Variants in IQCM observed in about 807,000 individuals in gnomAD.
The protein encoded by IQCM is IQ motif containing M.
Under a neutral mutation model 57.6 loss-of-function variants are expected in IQCM, and 45 were observed. That is an observed-to-expected ratio of 0.78 (90% CI 0.62 to 1.00). The LOEUF is 1.00. IQCM is among the 50% of genes least tolerant of loss of function. The pLI is 0.00. For synonymous variants in IQCM, 148 were observed against 158.9 expected (o/e 0.93, Z 0.51); for missense variants, 468 against 511.6 (o/e 0.91, Z 0.82).
intron 7 of IQCM, among the ~76,000 whole-genome samples, chr4:149,680,403 G>A (rs1335942459): frequency 6.6e-6 from 1 of 150,718 alleles, no homozygotes; most frequent in Non-Finnish European, 1.5e-5. Flanking sequence ...TGTATAATCA[G>A]TTTTTAAAAA....
intron 12 of IQCM, among the ~76,000 whole-genome samples, chr4:149,446,056 A>G (rs1286560549): frequency 1.3e-5 from 2 of 151,818 alleles, no homozygotes; most frequent in Non-Finnish European, 2.9e-5. Context: ...ATAAATCACC[A>G]AGGACTAAGA....
At chr4:149,390,889 T>C (rs996428817) in intron 13 of IQCM, among the ~76,000 whole-genome samples, 1 of 151,880 alleles carries the variant, frequency 6.6e-6, no homozygotes, top group Non-Finnish European at 1.5e-5. Context: ...TTGTTTTTTT[T>C]TTCTTTATAT....
chr4:149,392,039 T>G (rs992025387), intron 13 of IQCM, among the ~76,000 whole-genome samples: 7 of 151,944 alleles, frequency 4.6e-5, no homozygotes, highest in Non-Finnish European at 1.0e-4. Flanking sequence ...ATCTTCTCCC[T>G]AGCTGTCTAC....
At position 149,759,141 on chromosome 4, in the gene IQCM, C is replaced by A. The variant is rs183603950; in HGVS notation, c.-48-16402G>T. Reference sequence around the variant, plus strand: ...ATGGAAGAAACTTAAATGCACACTACTGGGTGAAAGAAGCTAATCTGAAAA... The same window carrying A: ...ATGGAAGAAACTTAAATGCACACTAATGGGTGAAAGAAGCTAATCTGAAAA... On this transcript the variant is annotated intron_variant, in intron 2 of 13. Coordinates refer to ENST00000636793, the MANE Select transcript of IQCM (RefSeq NM_001363507.2). 9.0e-4 allele frequency among the ~76,000 whole-genome samples: 137 copies of A among 152,208 alleles called. No individual in the cohort carries two copies. The Middle Eastern group carries it at 0.01, about 11-fold the overall frequency.
At chr4:149,496,437 A>G (rs914014600) in intron 12 of IQCM, among the ~76,000 whole-genome samples, 4 of 152,178 alleles carry the variant, frequency 2.6e-5, no homozygotes, top group African/African-American at 9.6e-5. Context: ...TATGTGGGTG[A>G]GTCCAATAAA....
At position 149,686,988 on chromosome 4, in the gene IQCM, TA is replaced by T. The variant is rs371815714; in HGVS notation, c.386-521del. On this transcript the variant is annotated intron_variant, in intron 5 of 13. Transcript: ENST00000636793. ...TTTAAAAAATCTACTTCTTCAAGTC[TA>T]AAGAGAAATTTACATAAGTATTTTT... Among the ~76,000 whole-genome samples the T allele has an allele frequency of 8.6e-4, 130 of 151,758 alleles. No individual in the cohort carries two copies. The Middle Eastern group carries it at 0.01, about 12-fold the overall frequency.
chr4:149,791,581 C>A (rs1406501720), intron 2 of IQCM, among the ~76,000 whole-genome samples: 2 of 152,172 alleles, frequency 1.3e-5, no homozygotes, highest in Non-Finnish European at 2.9e-5. Flanking sequence ...CTGCCTCCCC[C>A]TCCACTACCT....
chr4:149,379,492 A>C (rs1235709904), intron 13 of IQCM, among the ~76,000 whole-genome samples: 1 of 152,206 alleles, frequency 6.6e-6, no homozygotes, highest in African/African-American at 2.4e-5. Flanking sequence ...GAGTCAAAGG[A>C]GGCCATTTTG....
At chr4:149,664,718 G>C (rs1428197122) in intron 7 of IQCM, among the ~76,000 whole-genome samples, 1 of 152,134 alleles carries the variant, frequency 6.6e-6, no homozygotes, top group African/African-American at 2.4e-5. Flanking sequence ...GACTTTCTAA[G>C]GGTGCAGGGC....
Position 149,507,233 on chromosome 4 carries a change from C to T in IQCM, c.1228+41222G>A, listed in dbSNP as rs187869693. Among the ~76,000 whole-genome samples, 704 of 152,198 alleles carry T rather than the reference C, an allele frequency of 4.6e-3. 3 individuals are homozygous for T. The highest frequency in any genetic ancestry group is 7.7e-3 in the Non-Finnish European group (527 of 68,018). ...CCTTTATCAGCAATGTGAAAACAGA[C>T]TAATACAGTAAATTGGAACAGCAGA... On this transcript the variant is annotated intron_variant, in intron 12 of 13. Transcript: ENST00000636793.
At chr4:149,352,533 G>C (rs1282823341) in intron 13 of IQCM, among the ~76,000 whole-genome samples, 1 of 152,162 alleles carries the variant, frequency 6.6e-6, no homozygotes, top group Non-Finnish European at 1.5e-5. Flanking sequence ...AAGTATATGG[G>C]AAGATGGGTA....
rs760526723 is a variant in IQCM, at chr4:149,585,225, T to C, written c.749+2705A>G. On this transcript the variant is annotated intron_variant, in intron 9 of 13. Transcript: ENST00000636793. ...ACTTTAGAAATTAGCCAGTACTTTATTGAAGTTGACTGATGACTGATGGAA... is the reference window on the plus strand; with the variant it reads ...ACTTTAGAAATTAGCCAGTACTTTACTGAAGTTGACTGATGACTGATGGAA... 2.6e-5 allele frequency among the ~76,000 whole-genome samples: 4 copies of C among 151,710 alleles called. No homozygotes were observed. The Admixed American group carries it at 2.6e-4, about 10-fold the overall frequency.
intron 2 of IQCM, 71 bp from the exon 3 acceptor site, chr4:149,742,810 C>A: frequency 1.5e-6 from 1 of 679,848 alleles, no homozygotes; most frequent in South Asian, 7.7e-5. Flanking sequence ...TTTGCTCACT[C>A]ATAGGTAAAT....
chr4:149,721,426 C>A (rs1765440838), intron 5 of IQCM, among the ~76,000 whole-genome samples: 1 of 151,948 alleles, frequency 6.6e-6, no homozygotes, highest in Admixed American at 6.6e-5. Context: ...GGTAGTTTTT[C>A]ATTCTTTAGA....
chr4:149,463,417 T>C (rs929451159), intron 12 of IQCM, among the ~76,000 whole-genome samples: 2 of 152,314 alleles, frequency 1.3e-5, no homozygotes, highest in African/African-American at 4.8e-5. Flanking sequence ...GCCCTGAAAC[T>C]CATCTATTTT....
intron 12 of IQCM, among the ~76,000 whole-genome samples, chr4:149,473,669 T>C (rs896138945): frequency 3.9e-5 from 6 of 152,180 alleles, no homozygotes; most frequent in African/African-American, 1.4e-4. Flanking sequence ...TAAAGACACA[T>C]GCACATGTAC....
chr4:149,624,602 G>T (rs1444992955), intron 7 of IQCM, among the ~76,000 whole-genome samples: 2 of 152,110 alleles, frequency 1.3e-5, no homozygotes, highest in Non-Finnish European at 1.5e-5. Flanking sequence ...GGAAAGAAAA[G>T]GGAAGGAAAG....
intron 8 of IQCM, among the ~76,000 whole-genome samples, chr4:149,608,096 G>A (rs1754956719): frequency 6.6e-6 from 1 of 151,508 alleles, no homozygotes; most frequent in Non-Finnish European, 1.5e-5. Context: ...CCATGCCAGT[G>A]GAAACCAAAA....
intron 12 of IQCM, among the ~76,000 whole-genome samples, chr4:149,481,701 G>GTTTTTTTTTTTTTGTTTTTGTTT (rs1740834048): frequency 1.9e-5 from 1 of 51,550 alleles, no homozygotes; most frequent in African/African-American, 7.6e-5. Context: ...TTCCAGTTTT[G>GTTTTTTTTTTTTTGTTTTTGTTT]TTTTTTTTTT....
Sources: gnomAD v4.1 joint callset for allele counts (sites outside exome capture counted in the v4.1 genomes callset) on GRCh38, gnomAD v4.1.1 for gene constraint, MANE v1.5 for transcripts, NCBI Gene and HGNC (gene_info 2026-07-23, HGNC 2026-07-21) for gene names.